The following MACF1 variants were observed in gnomAD, a reference collection of about 807,000 sequenced individuals.
MACF1 encodes the protein microtubule actin crosslinking factor 1, also known as microtubule-actin cross-linking factor 1.
In MACF1, 193 loss-of-function variants were observed where a neutral mutation model predicts 854.8. The observed-to-expected ratio is 0.23, with a 90% CI of 0.20 to 0.25. The LOEUF (loss-of-function observed/expected upper bound fraction) is 0.25, where lower values mean the gene tolerates loss of function less well. Ranked by LOEUF, MACF1 falls within the 10% of genes least tolerant of loss-of-function variation. The pLI, the probability that MACF1 is intolerant of heterozygous loss-of-function variation, is 1.00. For synonymous variants in MACF1, 3,185 were observed against 3,226.7 expected, an observed-to-expected ratio of 0.99 and a Z score of 0.44; for missense variants, 7,722 against 8,929.1, an observed-to-expected ratio of 0.86 and a Z score of 5.45.
At chr1:39,425,433 C>G (rs1643693968) in intron 61 of MACF1, among the ~76,000 whole-genome samples, 1 of 152,128 alleles carries the variant, frequency 6.6e-6, no homozygotes, top group Non-Finnish European at 1.5e-5. Flanking sequence ...ATTTAATTGA[C>G]TCCCTGTTAG....
intron 47 of MACF1, among the ~76,000 whole-genome samples, chr1:39,359,660 C>T (rs1165539367): frequency 1.3e-5 from 2 of 151,930 alleles, no homozygotes; most frequent in African/African-American, 2.4e-5. Context: ...ATCATGGTGA[C>T]TATAGTTAAT....
At position 39,340,570 on chromosome 1, in the gene MACF1, T is replaced by G; in HGVS notation, c.10284T>G (p.Ile3428Met). 6.2e-7 allele frequency: 1 copy of G among 1,614,148 alleles called. No individual in the cohort carries two copies. Among genetic ancestry groups the G allele is most frequent in the Non-Finnish European group, 8.5e-7 (1 of 1,180,034 alleles). ...VSQELECVNQ[I>M]IISQPQEVPA... ...AGGAGCTGGAGTGTGTGAATCAGAT[T>G]ATCATCAGCCAGCCTCAAGAAGTTC... is the stretch of plus-strand genomic sequence containing the variant. Residue 3428 changes from isoleucine (I) to methionine (M), a missense_variant, in exon 39 of 101, where the codon ATT becomes ATG. By Grantham distance (10) the Ile-to-Met change is conservative. Coordinates refer to ENST00000564288, the MANE Select transcript of MACF1 (RefSeq NM_001394062.1).
At chr1:39,273,131 A>AT (rs561821846) in intron 6 of MACF1, among the ~76,000 whole-genome samples, 3,482 of 120,396 alleles carry the variant, frequency 0.029, 88 homozygotes, top group African/African-American at 0.061. Flanking sequence ...CTCTATACCA[A>AT]TTTTTTTTTT....
At chr1:39,403,442 G>A (rs1186310984) in intron 58 of MACF1, among the ~76,000 whole-genome samples, 1 of 152,022 alleles carries the variant, frequency 6.6e-6, no homozygotes, top group African/African-American at 2.4e-5. Context: ...TTGTGTGAGG[G>A]GCCCTTCTAG....
At position 39,282,342 on chromosome 1, in the gene MACF1, G is replaced by A. The variant is rs1645563480; in HGVS notation, c.663G>A (p.Gly221=). The A allele has an allele frequency of 1.2e-6, 2 of 1,613,916 alleles. No homozygotes were observed. Among genetic ancestry groups the A allele is most frequent in the African/African-American group, 1.3e-5 (1 of 74,904 alleles). ...CTNFSSCWSD[G]KMFNALIHRY... is the part of the protein sequence containing the mutation. The stretch of plus-strand genomic sequence containing the variant: ...ACTTTTCCTCCTGCTGGAGTGATGG[G>A]AAGATGTTCAATGCACTCATTCACC... Residue 221 remains glycine, a synonymous_variant, in exon 7 of 101, where the codon GGG becomes GGA. Transcript: ENST00000564288.
chr1:39,452,843 T>C (rs765160259), intron 87 of MACF1, 31 bp downstream of exon 87: 25 of 1,609,602 alleles, frequency 1.6e-5, no homozygotes, highest in Non-Finnish European at 2.0e-5. Context: ...GGTGACCTCA[T>C]GCTACCTACC....
chr1:39,319,563 G>T, intron 30 of MACF1, 101 bp from the exon 31 acceptor site: 1 of 744,316 alleles, frequency 1.3e-6, no homozygotes, highest in South Asian at 1.9e-5. Context: ...CAATTCTGAT[G>T]CAGCTAAGGT....
At chr1:39,244,035 C>A (rs1644953586) in intron 2 of MACF1, among the ~76,000 whole-genome samples, 1 of 151,914 alleles carries the variant, frequency 6.6e-6, no homozygotes, top group African/African-American at 2.4e-5. Context: ...AAAAAAAAAT[C>A]TCTTTGCATT....
intron 2 of MACF1, among the ~76,000 whole-genome samples, chr1:39,123,060 G>T (rs1349017679): frequency 6.6e-6 from 1 of 152,012 alleles, no homozygotes; most frequent in Non-Finnish European, 1.5e-5. Flanking sequence ...TTCATTAGCT[G>T]ATCACTGAGA....
intron 23 of MACF1, among the ~76,000 whole-genome samples, chr1:39,307,281 T>A (rs1646201639): frequency 6.6e-6 from 1 of 152,072 alleles, no homozygotes; most frequent in South Asian, 2.1e-4. Context: ...TCTCTTTTTT[T>A]TTTTTTAGAT....
chr1:39,318,511 A>G lies in MACF1; in HGVS notation c.3841A>G (p.Thr1281Ala). The G allele has an allele frequency of 6.2e-7, 1 of 1,614,050 alleles. No individual in the cohort carries two copies. Among genetic ancestry groups the G allele is most frequent in the East Asian group, 2.2e-5 (1 of 44,886 alleles). Residue 1281 changes from threonine (T) to alanine (A), a missense_variant, in exon 30 of 101, where the codon ACT becomes GCT. Coordinates refer to ENST00000564288, the MANE Select transcript of MACF1 (RefSeq NM_001394062.1). ...GGGAGATTACCGAGCCTGCCATGGA[A>G]CTCTCATCAAGTGGATTGAGGAAAC... ...VLGDYRACHG[T>A]LIKWIEETTA... is the part of the protein sequence containing the mutation.
intron 2 of MACF1, among the ~76,000 whole-genome samples, chr1:39,187,430 A>G (rs1174209468): frequency 6.6e-6 from 1 of 152,180 alleles, no homozygotes; most frequent in Non-Finnish European, 1.5e-5. Flanking sequence ...TAAAGCCTTT[A>G]GTAAAGCTGT....
chr1:39,286,474 C>CTT (rs796131309), intron 14 of MACF1, among the ~76,000 whole-genome samples: 3 of 146,550 alleles, frequency 2.0e-5, no homozygotes, highest in Non-Finnish European at 4.5e-5. Context: ...TTTTTTTCCC[C>CTT]TTTTTTTTTT....
chr1:39,304,407 T>G (rs936231599), intron 23 of MACF1: 39 of 1,155,886 alleles, frequency 3.4e-5, no homozygotes, highest in Non-Finnish European at 4.6e-5. Context: ...TCTCCAACTT[T>G]CCTGCTAACT....
At chr1:39,088,289 A>G (rs61780338) in intron 2 of MACF1, among the ~76,000 whole-genome samples, 27,217 of 151,700 alleles carry the variant, frequency 0.18, 2,593 homozygotes, top group African/African-American at 0.22. Context: ...GGGTTTCACC[A>G]TGTTGGTCAG....
intron 22 of MACF1, 46 bp downstream of exon 22, chr1:39,300,408 A>G (rs1030107297): frequency 6.4e-6 from 10 of 1,567,476 alleles, no homozygotes; most frequent in Non-Finnish European, 8.7e-6. Context: ...GGGAAGGAAG[A>G]AAGAAGGGAA....
chr1:39,353,618 G>C (rs1647280619), intron 44 of MACF1, among the ~76,000 whole-genome samples: 1 of 152,038 alleles, frequency 6.6e-6, no homozygotes, highest in Admixed American at 6.6e-5. Context: ...TCTGTCCCGA[G>C]CTTCAAAACG....
In MACF1 at chr1:39,324,300, G is replaced by A. The variant is rs1168291157; in HGVS notation, c.4344G>A (p.Glu1448=). The A allele has an allele frequency of 3.1e-6, 5 of 1,613,966 alleles. No homozygotes were observed. Among genetic ancestry groups the A allele is most frequent in the Non-Finnish European group, 4.2e-6 (5 of 1,179,908 alleles). ...CACAAGGAAAAGCTACCTCATCCGAGACCAAAGAATCAACAGACATTGAAA... is the reference window on the plus strand; with the variant it reads ...CACAAGGAAAAGCTACCTCATCCGAAACCAAAGAATCAACAGACATTGAAA... ...RNTQGKATSS[E]TKESTDIEKA... is the part of the protein sequence containing the mutation. The change falls in exon 34 of 101, where the codon GAG becomes GAA. Residue 1448 remains glutamate, a synonymous_variant. Coordinates refer to ENST00000564288, the MANE Select transcript of MACF1 (RefSeq NM_001394062.1).
intron 2 of MACF1, among the ~76,000 whole-genome samples, chr1:39,110,842 G>T (rs1014576410): frequency 6.6e-6 from 1 of 152,188 alleles, no homozygotes; most frequent in Non-Finnish European, 1.5e-5. Context: ...GTATTTTTCA[G>T]TGCCAATTCC....
Sources: gnomAD v4.1 joint callset for allele counts (sites outside exome capture counted in the v4.1 genomes callset) on GRCh38, gnomAD v4.1.1 for gene constraint, MANE v1.5 for transcripts, NCBI Gene and HGNC (gene_info 2026-07-23, HGNC 2026-07-21) for gene names.